Variants in FARS2 observed in about 807,000 individuals in gnomAD.
FARS2 encodes phenylalanine--tRNA ligase, mitochondrial.
In FARS2, 40 loss-of-function variants were observed where a neutral mutation model predicts 46.4. That is an observed-to-expected ratio of 0.86 (90% confidence interval 0.67 to 1.12). FARS2 has a LOEUF of 1.12. Ranked by LOEUF, FARS2 falls within the 50% of genes most tolerant of loss-of-function variation. FARS2 has a pLI of 0.00. For synonymous variants in FARS2, 234 were observed against 214.9 expected (o/e 1.09, Z -0.78); for missense variants, 513 against 567.9 (o/e 0.90, Z 0.98).
intron 6 of FARS2, among the ~76,000 whole-genome samples, chr6:5,746,897 A>G (rs1761676993): frequency 6.6e-6 from 1 of 152,226 alleles, no homozygotes; most frequent in African/African-American, 2.4e-5. Context: ...CATAAAATAA[A>G]TGGGAAACAT....
At chr6:5,718,982 G>A (rs1561819100) in intron 6 of FARS2, among the ~76,000 whole-genome samples, 1 of 152,166 alleles carries the variant, frequency 6.6e-6, no homozygotes. Context: ...GAGCCTGAGT[G>A]CTTGCACCTT....
chr6:5,553,374 A>G (rs951577200), intron 5 of FARS2, among the ~76,000 whole-genome samples: 6 of 152,208 alleles, frequency 3.9e-5, no homozygotes, highest in African/African-American at 4.8e-5. Flanking sequence ...GCATTATTAT[A>G]AAGACTTTCC....
chr6:5,529,453 G>T (rs184979352), intron 4 of FARS2, among the ~76,000 whole-genome samples: 1 of 151,978 alleles, frequency 6.6e-6, no homozygotes, highest in Admixed American at 6.6e-5. Context: ...GGCTACAGGC[G>T]CCTGCCACCA....
chr6:5,545,755 C>T (rs1179400441), intron 5 of FARS2, among the ~76,000 whole-genome samples: 22 of 152,126 alleles, frequency 1.4e-4, no homozygotes, highest in Admixed American at 1.4e-3. Flanking sequence ...TGATGGTTTC[C>T]AGCTTCATCC....
At chr6:5,423,968 C>T (rs1376107175) in intron 3 of FARS2, among the ~76,000 whole-genome samples, 1 of 152,146 alleles carries the variant, frequency 6.6e-6, no homozygotes, top group Non-Finnish European at 1.5e-5. Flanking sequence ...CCTCCTCTTC[C>T]TTATGACTGC....
At chr6:5,708,237 T>C (rs1056795461) in intron 6 of FARS2, among the ~76,000 whole-genome samples, 5 of 152,184 alleles carry the variant, frequency 3.3e-5, no homozygotes, top group African/African-American at 1.2e-4. Flanking sequence ...TTTCATTCCT[T>C]AGATTTGCCC....
chr6:5,652,414 G>A (rs1777412091), intron 6 of FARS2, among the ~76,000 whole-genome samples: 1 of 152,202 alleles, frequency 6.6e-6, no homozygotes, highest in South Asian at 2.1e-4. Flanking sequence ...CTTTAGAAGG[G>A]AATAAATACC....
intron 6 of FARS2, among the ~76,000 whole-genome samples, chr6:5,699,764 C>T (rs1177459145): frequency 6.6e-6 from 1 of 152,168 alleles, no homozygotes; most frequent in Admixed American, 6.5e-5. Context: ...GCACTTATGC[C>T]TAGTACTGGG....
At chr6:5,285,856 G>A (rs894436710) in intron 1 of FARS2, among the ~76,000 whole-genome samples, 2 of 152,202 alleles carry the variant, frequency 1.3e-5, no homozygotes, top group Non-Finnish European at 2.9e-5. Flanking sequence ...CTTGGGTGCT[G>A]CTTCTTTGCA....
At chr6:5,331,723 T>G (rs1309466507) in intron 1 of FARS2, among the ~76,000 whole-genome samples, 1 of 152,104 alleles carries the variant, frequency 6.6e-6, no homozygotes, top group Non-Finnish European at 1.5e-5. Context: ...AAAAACAATG[T>G]GTGGGAAATA....
At chr6:5,285,604 A>C (rs1458224191) in intron 1 of FARS2, among the ~76,000 whole-genome samples, 1 of 152,218 alleles carries the variant, frequency 6.6e-6, no homozygotes. Context: ...CAGCAAGTGC[A>C]TTCTCTCTTC....
rs190091129 is a variant in FARS2, at chr6:5,341,269, C to T, written c.-21-27281C>T. Reference sequence around the variant, plus strand: ...TTTTTTTTTTTTTTCCCTGTGAGAGCAGTTGTTTTGAGAAAACTGTGAGAA... The same window carrying T: ...TTTTTTTTTTTTTTCCCTGTGAGAGTAGTTGTTTTGAGAAAACTGTGAGAA... On this transcript the variant is annotated intron_variant, in intron 1 of 6. Coordinates refer to ENST00000274680, the MANE Select transcript of FARS2 (RefSeq NM_006567.5). Among the ~76,000 whole-genome samples the T allele has an allele frequency of 5.5e-3, 397 of 72,648 alleles. 12 individuals carry two copies. Among genetic ancestry groups the T allele is most frequent in the African/African-American group, 0.02 (372 of 18,990 alleles). 47.7% of individuals were successfully genotyped at this position (72,648 alleles called of 152,430 possible).
upstream of FARS2, among the ~76,000 whole-genome samples, chr6:5,260,201 G>A (rs1561910320): frequency 1.3e-5 from 2 of 152,180 alleles, no homozygotes; most frequent in South Asian, 4.1e-4. Flanking sequence ...ATTTTAGGGA[G>A]GTGCTAGAGT....
intron 5 of FARS2, among the ~76,000 whole-genome samples, chr6:5,560,548 G>A (rs532924610): frequency 6.6e-6 from 1 of 152,104 alleles, no homozygotes; most frequent in Non-Finnish European, 1.5e-5. Context: ...GATCTTCTCA[G>A]GTTTTGATGT....
At chr6:5,304,156 G>T (rs1312066641) in intron 1 of FARS2, among the ~76,000 whole-genome samples, 1 of 152,114 alleles carries the variant, frequency 6.6e-6, no homozygotes, top group African/African-American at 2.4e-5. Flanking sequence ...AGAAGGGAAA[G>T]CACCCACATT....
At chr6:5,380,889 T>C (rs1023316850) in intron 2 of FARS2, among the ~76,000 whole-genome samples, 7 of 152,124 alleles carry the variant, frequency 4.6e-5, no homozygotes, top group Non-Finnish European at 7.4e-5. Flanking sequence ...CTAAATACAA[T>C]GTTAGTCTTT....
chr6:5,407,366 G>A (rs1761675933), intron 3 of FARS2, among the ~76,000 whole-genome samples: 1 of 151,868 alleles, frequency 6.6e-6, no homozygotes. Context: ...GAATCTTGTT[G>A]TAATTTATTA....
At chr6:5,665,569 A>G (rs912218045) in intron 6 of FARS2, 7 of 152,182 alleles carry the variant, frequency 4.6e-5, no homozygotes, top group Non-Finnish European at 8.8e-5. Context: ...TGTTTCTATC[A>G]TATTTATTTC....
intron 5 of FARS2, among the ~76,000 whole-genome samples, chr6:5,572,435 C>T (rs1772709975): frequency 6.6e-6 from 1 of 152,148 alleles, no homozygotes; most frequent in Non-Finnish European, 1.5e-5. Context: ...CAGGACCCAC[C>T]TCCAGCACTG....
Sources: gnomAD v4.1 joint callset for allele counts (sites outside exome capture counted in the v4.1 genomes callset) on GRCh38, gnomAD v4.1.1 for gene constraint, MANE v1.5 for transcripts, NCBI Gene and HGNC (gene_info 2026-07-23, HGNC 2026-07-21) for gene names.